Variants in STK33 observed in about 807,000 individuals in gnomAD.
The protein encoded by STK33 is serine/threonine kinase 33, also known as serine/threonine-protein kinase 33.
STK33 carries 52 observed loss-of-function variants against 58.0 expected under a neutral mutation model. That is an observed-to-expected ratio of 0.90 (90% CI 0.72 to 1.13). The LOEUF is 1.13. Among genes scored for constraint, STK33 ranks in the 50% most tolerant of loss-of-function variants. The pLI, the probability that STK33 is intolerant of heterozygous loss-of-function variation, is 0.00. For synonymous variants in STK33, 215 were observed against 200.1 expected (o/e 1.07, Z -0.63); for missense variants, 630 against 604.2 (o/e 1.04, Z -0.45).
intron 1 of STK33, among the ~76,000 whole-genome samples, chr11:8,564,198 T>C (rs1203601724): frequency 6.6e-6 from 1 of 152,214 alleles, no homozygotes; most frequent in South Asian, 2.1e-4. Context: ...TGCTAACAGG[T>C]GGAAGTAAGT....
intron 1 of STK33, among the ~76,000 whole-genome samples, chr11:8,561,950 C>T (rs905421209): frequency 6.6e-6 from 1 of 152,092 alleles, no homozygotes; most frequent in Admixed American, 6.6e-5. Context: ...GTATCATAGA[C>T]AGACCAATTT....
At chr11:8,568,913 CA>C (rs1270755136) in intron 1 of STK33, among the ~76,000 whole-genome samples, 3 of 152,080 alleles carry the variant, frequency 2.0e-5, no homozygotes, top group Non-Finnish European at 4.4e-5. Context: ...CTAAAGATGA[CA>C]AGGAAACTAT....
chr11:8,450,246 G>A (rs1382658060), intron 11 of STK33, among the ~76,000 whole-genome samples: 2 of 152,174 alleles, frequency 1.3e-5, no homozygotes, highest in East Asian at 3.9e-4. Flanking sequence ...ATGAGTTCAT[G>A]TCCTTTGCAG....
chr11:8,487,262 A>T (rs922901101), intron 1 of STK33, among the ~76,000 whole-genome samples: 19 of 151,944 alleles, frequency 1.3e-4, no homozygotes, highest in Non-Finnish European at 2.2e-4. Context: ...CGTCTCTACA[A>T]AAAGTACAAA....
intron 11 of STK33, among the ~76,000 whole-genome samples, chr11:8,446,989 G>C (rs947579590): frequency 2.0e-5 from 3 of 152,168 alleles, no homozygotes; most frequent in African/African-American, 7.2e-5. Flanking sequence ...AAACTAAAGA[G>C]CTTCTGCACA....
At chr11:8,414,244 G>T (rs1036132739) in intron 14 of STK33, among the ~76,000 whole-genome samples, 3 of 152,086 alleles carry the variant, frequency 2.0e-5, no homozygotes, top group Non-Finnish European at 4.4e-5. Context: ...AACTGACTTG[G>T]TACAGTGTTC....
intron 1 of STK33, among the ~76,000 whole-genome samples, chr11:8,519,547 T>C (rs1028123878): frequency 6.6e-6 from 1 of 151,780 alleles, no homozygotes; most frequent in African/African-American, 2.4e-5. Flanking sequence ...AATCAATGAA[T>C]CCAGGAGCTA....
intron 1 of STK33, among the ~76,000 whole-genome samples, chr11:8,557,523 T>C (rs999829622): frequency 1.3e-5 from 2 of 152,064 alleles, no homozygotes; most frequent in African/African-American, 4.8e-5. Flanking sequence ...TATACATTCC[T>C]ATCTCTCATA....
At chr11:8,536,972 A>AATCT (rs1565305538) in intron 1 of STK33, among the ~76,000 whole-genome samples, 1 of 65,732 alleles carries the variant, frequency 1.5e-5, no homozygotes, top group Non-Finnish European at 2.5e-5. Context: ...AAAAAAAAAG[A>AATCT]TTTTTTTTTT....
chr11:8,426,149 T>C lies in STK33; in HGVS notation c.1146+9345A>G, dbSNP rs115288383. ...CGGGCTTGGAGAATGAGTCCAAGGT[T>C]TTATTGAGTGGAGGTTCTCAGCAGA... is the stretch of plus-strand genomic sequence containing the variant. On this transcript the variant is annotated intron_variant, in intron 14 of 15. Coordinates refer to ENST00000687296, the MANE Select transcript of STK33 (RefSeq NM_001352389.2). 1.7e-3 allele frequency among the ~76,000 whole-genome samples: 257 copies of C among 152,128 alleles called. 2 individuals carry two copies. Among genetic ancestry groups the C allele is most frequent in the African/African-American group, 5.9e-3 (244 of 41,508 alleles).
intron 1 of STK33, among the ~76,000 whole-genome samples, chr11:8,571,652 T>C (rs1180010420): frequency 6.6e-6 from 1 of 152,188 alleles, no homozygotes; most frequent in Non-Finnish European, 1.5e-5. Context: ...GCTAACACGG[T>C]GAAACCTTGT....
chr11:8,469,024 G>A (rs1948514237), intron 6 of STK33, among the ~76,000 whole-genome samples: 1 of 152,176 alleles, frequency 6.6e-6, no homozygotes, highest in African/African-American at 2.4e-5. Flanking sequence ...GGAGGGTCCT[G>A]CCTCCATGTA....
chr11:8,579,307 G>A (rs750807035), intron 1 of STK33, among the ~76,000 whole-genome samples: 4 of 151,946 alleles, frequency 2.6e-5, no homozygotes, highest in Non-Finnish European at 4.4e-5. Context: ...TATCTACAGA[G>A]TCTCTACCAC....
At chr11:8,419,557 C>G (rs1941618769) in intron 14 of STK33, among the ~76,000 whole-genome samples, 1 of 152,084 alleles carries the variant, frequency 6.6e-6, no homozygotes, top group Admixed American at 6.5e-5. Context: ...ATTGCTTTGG[C>G]TATTTGGACT....
intron 7 of STK33, among the ~76,000 whole-genome samples, chr11:8,462,331 G>T (rs908436762): frequency 6.7e-6 from 1 of 150,120 alleles, no homozygotes; most frequent in African/African-American, 2.4e-5. Flanking sequence ...ATAAATTGAG[G>T]AAGAAAAAAA....
chr11:8,471,566 G>A (rs944172993), intron 6 of STK33, among the ~76,000 whole-genome samples: 3 of 151,922 alleles, frequency 2.0e-5, no homozygotes, highest in African/African-American at 7.3e-5. Flanking sequence ...GCTATGTAAG[G>A]GTAATAGAAT....
At chr11:8,558,284 T>C (rs1024331949) in intron 1 of STK33, among the ~76,000 whole-genome samples, 1 of 152,104 alleles carries the variant, frequency 6.6e-6, no homozygotes, top group African/African-American at 2.4e-5. Flanking sequence ...TCAGTTTCAC[T>C]ATAAGGAAAT....
intron 9 of STK33, among the ~76,000 whole-genome samples, chr11:8,456,866 A>G (rs1263098222): frequency 6.6e-6 from 1 of 152,200 alleles, no homozygotes; most frequent in Admixed American, 6.5e-5. Context: ...TCAATGCAAT[A>G]TATCAATCTA....
chr11:8,413,416 A>T, intron 15 of STK33, 79 bp downstream of exon 15: 1 of 1,466,600 alleles, frequency 6.8e-7, no homozygotes. Context: ...CAACAAAAAG[A>T]CAGATTTGCA....
Sources: gnomAD v4.1 joint callset for allele counts (sites outside exome capture counted in the v4.1 genomes callset) on GRCh38, gnomAD v4.1.1 for gene constraint, MANE v1.5 for transcripts, NCBI Gene and HGNC (gene_info 2026-07-23, HGNC 2026-07-21) for gene names.